The following LPP variants were observed in gnomAD, a reference collection of about 807,000 sequenced individuals.
LPP encodes lipoma-preferred partner.
In LPP, 38 loss-of-function variants were observed where a neutral mutation model predicts 60.4. The ratio of observed to expected loss-of-function variants is 0.63; its 90% CI spans 0.49 to 0.83. LPP has a LOEUF of 0.83. LPP is among the 40% of genes least tolerant of loss of function. The pLI, the probability that LPP is intolerant of heterozygous loss-of-function variation, is 0.00. For synonymous variants in LPP, 328 were observed against 290.8 expected (o/e 1.13, Z -1.30); for missense variants, 902 against 783.6 (o/e 1.15, Z -1.80).
intron 3 of LPP, among the ~76,000 whole-genome samples, chr3:188,367,042 A>G (rs1161236383): frequency 6.6e-5 from 10 of 151,922 alleles, no homozygotes; most frequent in South Asian, 6.2e-4. Flanking sequence ...GACTACAGGC[A>G]CCCGCCACCA....
chr3:188,858,454 A>G (rs1402925235), intron 9 of LPP, among the ~76,000 whole-genome samples: 1 of 152,236 alleles, frequency 6.6e-6, no homozygotes, highest in East Asian at 1.9e-4. Context: ...TCCGGGCATT[A>G]AGGTATAAAT....
Position 188,708,315 on chromosome 3 carries a change from C to T in LPP, c.1162C>T (p.Arg388Cys), listed in dbSNP as rs143828647. The change falls in exon 8 of 12, where the codon CGC (arginine) becomes TGC (cysteine). Residue 388 changes from arginine to cysteine, a missense_variant. Arg to Cys is a radical substitution (Grantham distance 180, BLOSUM62 -3). Coordinates refer to ENST00000617246, the MANE Select transcript of LPP (RefSeq NM_001375462.1). The stretch of plus-strand genomic sequence containing the variant: ...GCCTTCGTCAGTTGCCCCTTCATTC[C>T]GCCCAGAGGATGAGCTTGAGCACCT... The part of the protein sequence containing the change: ...LGPSSVAPSF[R>C]PEDELEHLTK... 409 of 1,614,142 alleles carry T rather than the reference C, an allele frequency of 2.5e-4. 2 individuals carry two copies. In the African/African-American group the frequency reaches 3.7e-3, roughly 15 times the overall value.
At chr3:188,514,191 A>T (rs1364720084) in intron 5 of LPP, among the ~76,000 whole-genome samples, 1 of 152,044 alleles carries the variant, frequency 6.6e-6, no homozygotes, top group Non-Finnish European at 1.5e-5. Context: ...GTCAGGGCAG[A>T]TCTGTGGCTG....
chr3:188,673,687 A>G (rs1857403343), intron 7 of LPP, among the ~76,000 whole-genome samples: 1 of 152,062 alleles, frequency 6.6e-6, no homozygotes, highest in Admixed American at 6.6e-5. Flanking sequence ...CTCCAGACAT[A>G]GAGAAAATGG....
chr3:188,859,010 A>C (rs904929619), intron 9 of LPP, among the ~76,000 whole-genome samples: 3 of 147,288 alleles, frequency 2.0e-5, no homozygotes, highest in African/African-American at 7.5e-5. Flanking sequence ...AATCGCTTGA[A>C]CCTCGGAGGC....
intron 6 of LPP, among the ~76,000 whole-genome samples, chr3:188,541,145 A>G (rs1825052912): frequency 6.6e-6 from 1 of 152,210 alleles, no homozygotes; most frequent in South Asian, 2.1e-4. Flanking sequence ...GATGTAAGTT[A>G]TTCTTGTCAC....
At chr3:188,671,334 G>A (rs1411855491) in intron 7 of LPP, among the ~76,000 whole-genome samples, 2 of 152,050 alleles carry the variant, frequency 1.3e-5, no homozygotes, top group African/African-American at 4.8e-5. Context: ...AGTTTCACAG[G>A]AGTCCCTTTG....
intron 9 of LPP, among the ~76,000 whole-genome samples, chr3:188,816,959 T>C (rs1752637839): frequency 6.6e-6 from 1 of 152,240 alleles, no homozygotes. Context: ...TTGACCTTTT[T>C]TTCTTCCTCA....
chr3:188,753,937 A>G (rs1729171527), intron 8 of LPP, among the ~76,000 whole-genome samples: 1 of 152,288 alleles, frequency 6.6e-6, no homozygotes, highest in Non-Finnish European at 1.5e-5. Context: ...CATGTGTCCT[A>G]CAGTCCAGCT....
intron 5 of LPP, among the ~76,000 whole-genome samples, chr3:188,485,055 G>A (rs1283167040): frequency 6.6e-6 from 1 of 152,008 alleles, no homozygotes. Flanking sequence ...TTATTGCTAT[G>A]TTCTCTATCT....
In LPP at chr3:188,364,314, T is replaced by C. The variant is rs563955761; in HGVS notation, c.-10+22595T>C. ...CTTCTGCCCTGGAATCTTTTTGCTATCCCTGTCTTACTGTCTTTAATAGAG... is the reference window on the plus strand; with the variant it reads ...CTTCTGCCCTGGAATCTTTTTGCTACCCCTGTCTTACTGTCTTTAATAGAG... On this transcript the variant is annotated intron_variant, in intron 3 of 11. Coordinates refer to ENST00000617246, the MANE Select transcript of LPP (RefSeq NM_001375462.1). Among the ~76,000 whole-genome samples the C allele has an allele frequency of 5.9e-5, 9 of 152,352 alleles. No individual in the cohort carries two copies. The South Asian group carries it at 1.7e-3, about 28-fold the overall frequency.
chr3:188,765,859 CTCT>C (rs1460331226), intron 9 of LPP, among the ~76,000 whole-genome samples: 5 of 96,070 alleles, frequency 5.2e-5, no homozygotes, highest in African/African-American at 2.0e-4. Flanking sequence ...TAATGTTCAA[CTCT>C]TTTTTTTTTT....
At chr3:188,413,924 T>C (rs981857259) in intron 4 of LPP, among the ~76,000 whole-genome samples, 4 of 152,112 alleles carry the variant, frequency 2.6e-5, no homozygotes, top group African/African-American at 9.7e-5. Flanking sequence ...GAAAGCCAAA[T>C]ATGATGATAA....
chr3:188,364,083 C>T (rs1026505797), intron 3 of LPP, among the ~76,000 whole-genome samples: 7 of 152,166 alleles, frequency 4.6e-5, no homozygotes, highest in African/African-American at 1.7e-4. Context: ...GCCTCATCAT[C>T]CTCCAACTTA....
chr3:188,713,253 T>A (rs1412976228), intron 8 of LPP, among the ~76,000 whole-genome samples: 1 of 152,154 alleles, frequency 6.6e-6, no homozygotes, highest in Non-Finnish European at 1.5e-5. Context: ...AAAATGCAGA[T>A]GATGGGACAT....
chr3:188,620,305 T>C (rs1487162420), intron 7 of LPP, among the ~76,000 whole-genome samples: 1 of 152,146 alleles, frequency 6.6e-6, no homozygotes, highest in African/African-American at 2.4e-5. Context: ...AGAAATCCTC[T>C]ACCAATGAGC....
intron 6 of LPP, among the ~76,000 whole-genome samples, chr3:188,604,752 G>C (rs1175258244): frequency 6.6e-6 from 1 of 152,086 alleles, no homozygotes; most frequent in African/African-American, 2.4e-5. Flanking sequence ...GCTATGATAT[G>C]ATGAAGCATA....
rs116922799 is a variant in LPP, at chr3:188,725,384, G to A, written c.1240+16991G>A. On this transcript the variant is annotated intron_variant, in intron 8 of 11. Transcript: ENST00000617246. ...TAACAGCATTCTCGCTGACGCATTAGACTCAAGGTGGACTTAATTTGGAGA... is the reference window on the plus strand; with the variant it reads ...TAACAGCATTCTCGCTGACGCATTAAACTCAAGGTGGACTTAATTTGGAGA... The A allele has an allele frequency of 3.3e-5, 5 of 152,318 alleles. No individual in the cohort carries two copies. In the East Asian group the frequency reaches 9.6e-4, roughly 29 times the overall value. 9.4% of individuals were successfully genotyped at this position (152,318 alleles called of 1,614,324 possible). A position where few individuals can be genotyped will look rare whatever the true frequency, so the allele number is the denominator to read the frequency against.
chr3:188,326,920 A>G (rs1758578286), intron 2 of LPP, among the ~76,000 whole-genome samples: 1 of 151,968 alleles, frequency 6.6e-6, no homozygotes. Context: ...ATTCTTCTGG[A>G]TTTTAAATGA....
Sources: allele counts gnomAD v4.1 joint callset (sites outside exome capture counted in the v4.1 genomes callset), GRCh38; gene constraint gnomAD v4.1.1; transcripts MANE v1.5; gene names NCBI Gene and HGNC (gene_info 2026-07-23, HGNC 2026-07-21).